LRMDA: variants seen among roughly 807,000 people sequenced by gnomAD.
LRMDA encodes leucine rich melanocyte differentiation associated.
LRMDA carries 18 observed loss-of-function variants against 29.8 expected under a neutral mutation model. The ratio of observed to expected loss-of-function variants is 0.60; its 90% CI spans 0.42 to 0.90. LRMDA has a LOEUF of 0.90. Among genes scored for constraint, LRMDA ranks in the 40% least tolerant of loss-of-function variants. The pLI, the probability that LRMDA is intolerant of heterozygous loss-of-function variation, is 0.00. For synonymous variants in LRMDA, 125 were observed against 109.4 expected (o/e 1.14, Z -0.89); for missense variants, 273 against 273.9 (o/e 1.00, Z 0.02).
At chr10:75,672,365 A>T (rs1205907354) in intron 2 of LRMDA, among the ~76,000 whole-genome samples, 1 of 151,448 alleles carries the variant, frequency 6.6e-6, no homozygotes, top group Non-Finnish European at 1.5e-5. Flanking sequence ...TAATGACTCA[A>T]ATATTATTTT....
intron 6 of LRMDA, among the ~76,000 whole-genome samples, chr10:76,329,733 T>C (rs1282268494): frequency 1.3e-5 from 2 of 152,230 alleles, no homozygotes; most frequent in African/African-American, 2.4e-5. Context: ...TGCAGTTTCC[T>C]AAATGTGAGT....
chr10:76,419,180 T>C (rs2132518386), intron 6 of LRMDA, among the ~76,000 whole-genome samples: 1 of 152,244 alleles, frequency 6.6e-6, no homozygotes, highest in African/African-American at 2.4e-5. Flanking sequence ...ATGTTTCCAC[T>C]ATTAGAGCAT....
At chr10:75,479,345 A>T (rs923608071) in intron 2 of LRMDA, among the ~76,000 whole-genome samples, 1 of 152,024 alleles carries the variant, frequency 6.6e-6, no homozygotes, top group African/African-American at 2.4e-5. Context: ...GCCTGTACTA[A>T]AAATACAAAA....
At chr10:76,166,306 C>CT (rs1850739573) in intron 5 of LRMDA, among the ~76,000 whole-genome samples, 4 of 152,124 alleles carry the variant, frequency 2.6e-5, no homozygotes. Context: ...TTCCAACCTT[C>CT]TTTTGTTTGT....
intron 5 of LRMDA, among the ~76,000 whole-genome samples, chr10:76,229,611 G>A (rs1426888737): frequency 2.6e-5 from 4 of 152,108 alleles, no homozygotes; most frequent in African/African-American, 9.7e-5. Flanking sequence ...AGAGGTAGAG[G>A]GGTGAGAGAG....
intron 2 of LRMDA, among the ~76,000 whole-genome samples, chr10:76,000,501 C>T (rs1396813985): frequency 6.6e-6 from 1 of 152,170 alleles, no homozygotes; most frequent in Non-Finnish European, 1.5e-5. Context: ...GCAGTCCCAG[C>T]CTCATGCTGG....
At chr10:76,379,161 T>TGTGTG (rs1841559020) in intron 6 of LRMDA, among the ~76,000 whole-genome samples, 19 of 137,932 alleles carry the variant, frequency 1.4e-4, no homozygotes, top group African/African-American at 4.6e-4. Flanking sequence ...CTGGCCTTCT[T>TGTGTG]TGTGTGTGTG....
chr10:75,450,264 C>G (rs183820919), intron 2 of LRMDA: 1 of 151,956 alleles, frequency 6.6e-6, no homozygotes, highest in Admixed American at 6.6e-5. Context: ...TCAGGTTTCG[C>G]GTAGAGTGTT....
At chr10:75,825,020 C>T (rs1024698095) in intron 2 of LRMDA, among the ~76,000 whole-genome samples, 19 of 152,216 alleles carry the variant, frequency 1.2e-4, no homozygotes, top group Admixed American at 9.8e-4. Context: ...GTGTGTAGAC[C>T]TAACACCTTC....
At position 75,920,388 on chromosome 10, in the gene LRMDA, T is replaced by C. The variant is rs146056302; in HGVS notation, c.132-115620T>C. Reference sequence around the variant, plus strand: ...TTCGGTGATCATGACTTAGAAATGATTGGAGAACCTGCTTGTTCAGAAGGC... The same window carrying C: ...TTCGGTGATCATGACTTAGAAATGACTGGAGAACCTGCTTGTTCAGAAGGC... On this transcript the variant is annotated intron_variant, in intron 2 of 6. Transcript: ENST00000611255. Among the ~76,000 whole-genome samples, 746 of 152,322 alleles carry C rather than the reference T, an allele frequency of 4.9e-3. 22 individuals are homozygous for C. The highest frequency in any genetic ancestry group is 0.043 in the Admixed American group (652 of 15,304).
intron 2 of LRMDA, among the ~76,000 whole-genome samples, chr10:75,644,585 C>A (rs1467569775): frequency 6.6e-6 from 1 of 152,160 alleles, no homozygotes; most frequent in Admixed American, 6.5e-5. Flanking sequence ...TCATTAAATA[C>A]AGTCACAGCA....
chr10:75,461,416 A>C lies in LRMDA; in HGVS notation c.131+22922A>C, dbSNP rs146386991. 4.9e-3 allele frequency among the ~76,000 whole-genome samples: 744 copies of C among 152,208 alleles called. 4 individuals carry two copies. Among genetic ancestry groups the C allele is most frequent in the African/African-American group, 0.017 (698 of 41,522 alleles). On this transcript the variant is annotated intron_variant, in intron 2 of 6. Coordinates refer to ENST00000611255, the MANE Select transcript of LRMDA (RefSeq NM_001305581.2). ...GAAGGCAGGAAAAAATCAGAGAATGATCTTCCTAGGTTTCATGGCCTACTT... is the reference window on the plus strand; with the variant it reads ...GAAGGCAGGAAAAAATCAGAGAATGCTCTTCCTAGGTTTCATGGCCTACTT...
intron 5 of LRMDA, among the ~76,000 whole-genome samples, chr10:76,281,587 A>G (rs940458470): frequency 3.9e-5 from 6 of 151,960 alleles, no homozygotes; most frequent in African/African-American, 1.2e-4. Context: ...CCCATCATCC[A>G]TGAATTTTCT....
chr10:75,714,516 C>T (rs1842474505), intron 2 of LRMDA, among the ~76,000 whole-genome samples: 1 of 152,198 alleles, frequency 6.6e-6, no homozygotes, highest in Non-Finnish European at 1.5e-5. Flanking sequence ...AAAGCTGGCT[C>T]ATACATGGCC....
chr10:75,656,766 C>T (rs780475637), intron 2 of LRMDA, among the ~76,000 whole-genome samples: 2 of 152,146 alleles, frequency 1.3e-5, no homozygotes, highest in African/African-American at 4.8e-5. Context: ...ATTTCATGGC[C>T]TAAGACTTAA....
chr10:76,352,903 T>C (rs1175003000), intron 6 of LRMDA, among the ~76,000 whole-genome samples: 1 of 152,100 alleles, frequency 6.6e-6, no homozygotes, highest in East Asian at 1.9e-4. Flanking sequence ...CTTGAAATCC[T>C]ACTTTGGTGT....
intron 2 of LRMDA, among the ~76,000 whole-genome samples, chr10:75,548,597 C>T (rs1368661973): frequency 6.6e-6 from 1 of 152,158 alleles, no homozygotes; most frequent in Non-Finnish European, 1.5e-5. Flanking sequence ...CTTCTCAGAA[C>T]TCCTTTTTGA....
intron 2 of LRMDA, among the ~76,000 whole-genome samples, chr10:76,008,229 A>G (rs1475166935): frequency 6.6e-6 from 1 of 152,158 alleles, no homozygotes; most frequent in African/African-American, 2.4e-5. Flanking sequence ...AGAGTGGGGC[A>G]TGGATCACAG....
intron 2 of LRMDA, among the ~76,000 whole-genome samples, chr10:75,456,208 A>G (rs981009606): frequency 6.6e-6 from 1 of 152,202 alleles, no homozygotes; most frequent in Non-Finnish European, 1.5e-5. Flanking sequence ...CAGGCTGAGC[A>G]GGGCCTGCGT....
Sources: allele counts gnomAD v4.1 joint callset (sites outside exome capture counted in the v4.1 genomes callset), GRCh38; gene constraint gnomAD v4.1.1; transcripts MANE v1.5; gene names NCBI Gene and HGNC (gene_info 2026-07-23, HGNC 2026-07-21).